The following EFCAB8 variants were observed in gnomAD, a reference collection of about 807,000 sequenced individuals.
EFCAB8 encodes EF-hand calcium-binding domain-containing protein 8.
EFCAB8 carries 100 observed loss-of-function variants against 116.3 expected under a neutral mutation model. The ratio of observed to expected loss-of-function variants is 0.86; its 90% CI spans 0.73 to 1.02. The LOEUF (loss-of-function observed/expected upper bound fraction) is 1.02, where lower values mean the gene tolerates loss of function less well. Among genes scored for constraint, EFCAB8 ranks in the 50% least tolerant of loss-of-function variants. The probability of loss-of-function intolerance (pLI) is 0.00; values close to 1 mark genes in which losing one functional copy is unlikely to be tolerated. For missense variants in EFCAB8, 1,320 were observed against 1,416.9 expected (o/e 0.93, Z 1.10); for synonymous variants, 558 against 567.9 (o/e 0.98, Z 0.25).
chr20:32,886,480 T>C (rs1168051720), intron 6 of EFCAB8, among the ~76,000 whole-genome samples: 1 of 152,216 alleles, frequency 6.6e-6, no homozygotes, highest in Non-Finnish European at 1.5e-5. Flanking sequence ...AAGGGCTTTC[T>C]GAGCCTGTGT....
intron 5 of EFCAB8, among the ~76,000 whole-genome samples, chr20:32,885,123 ACTCTGCTCACC>A (rs1461245643): frequency 1.6e-5 from 2 of 122,650 alleles, no homozygotes; most frequent in Non-Finnish European, 3.8e-5. Flanking sequence ...CTCAGGCTCC[ACTCTGCTCACC>A]CTCTCCTGGG....
At position 32,940,019 on chromosome 20, in the gene EFCAB8, CCCTCCCTTCCTTCCTT is replaced by C. The variant is rs1303878075; in HGVS notation, c.2791-3613_2791-3598del. Among the ~76,000 whole-genome samples, 7 of 77,312 alleles carry C rather than the reference CCCTCCCTTCCTTCCTT, an allele frequency of 9.1e-5. 2 individuals carry two copies. Among genetic ancestry groups the C allele is most frequent in the African/African-American group, 3.1e-4 (5 of 16,306 alleles). 50.7% of individuals were successfully genotyped at this position (77,312 alleles called of 152,430 possible). ...TGCCTGCCTGCCTCCCTCCCTCCCT[CCCTCCCTTCCTTCCTT>C]CCTTCCTTCCTTCCTTCCTTCCTTC... On this transcript the variant is annotated intron_variant, in intron 22 of 26. Coordinates refer to ENST00000400522, the MANE Select transcript of EFCAB8 (RefSeq NM_001143967.2).
At chr20:32,867,776 G>A in intron 3 of EFCAB8, 29 bp downstream of exon 3, 3 of 1,546,686 alleles carry the variant, frequency 1.9e-6, no homozygotes, top group Non-Finnish European at 2.6e-6. Context: ...CTCGGTTTTT[G>A]TGTGAGTTCT....
intron 10 of EFCAB8, among the ~76,000 whole-genome samples, chr20:32,897,568 G>A (rs150381653): frequency 1.3e-5 from 2 of 151,638 alleles, no homozygotes; most frequent in African/African-American, 2.4e-5. Flanking sequence ...TCAGGCCCCC[G>A]AGTAGCTGGG....
At chr20:32,893,116 C>A in intron 8 of EFCAB8, 58 bp from the exon 9 acceptor site, 2 of 1,545,814 alleles carry the variant, frequency 1.3e-6, no homozygotes, top group African/African-American at 1.4e-5. Flanking sequence ...GCTGGTCTTA[C>A]AGGTGTGAGC....
intron 17 of EFCAB8, among the ~76,000 whole-genome samples, chr20:32,913,225 TG>T (rs1479482792): frequency 3.9e-5 from 6 of 152,250 alleles, no homozygotes; most frequent in East Asian, 3.9e-4. Flanking sequence ...GTTCTGGAGA[TG>T]GGGGAAGTTC....
At chr20:32,950,660 C>T (rs1988770291) in intron 23 of EFCAB8, among the ~76,000 whole-genome samples, 1 of 152,126 alleles carries the variant, frequency 6.6e-6, no homozygotes, top group Non-Finnish European at 1.5e-5. Context: ...GCAGGCAAAT[C>T]CCCCGGGTTG....
At chr20:32,925,405 G>A (rs1037762818) in intron 20 of EFCAB8, among the ~76,000 whole-genome samples, 1 of 152,182 alleles carries the variant, frequency 6.6e-6, no homozygotes, top group Non-Finnish European at 1.5e-5. Flanking sequence ...TTTTAATGGA[G>A]ACAGGGTTTC....
At chr20:32,932,187 T>C (rs1987934909) in intron 22 of EFCAB8, among the ~76,000 whole-genome samples, 1 of 152,198 alleles carries the variant, frequency 6.6e-6, no homozygotes, top group Non-Finnish European at 1.5e-5. Flanking sequence ...GAGACCAGCC[T>C]GGCCAACCTG....
chr20:32,953,206 C>G (rs1317024713), intron 23 of EFCAB8, among the ~76,000 whole-genome samples: 2 of 152,104 alleles, frequency 1.3e-5, no homozygotes, highest in Non-Finnish European at 2.9e-5. Flanking sequence ...GCCACATTTT[C>G]TTTATCCATT....
At chr20:32,950,918 G>A (rs6087432) in intron 23 of EFCAB8, among the ~76,000 whole-genome samples, 11,048 of 152,196 alleles carry the variant, frequency 0.073, 407 homozygotes, top group African/African-American at 0.095. Flanking sequence ...TAAAGTGGCA[G>A]TGTTTGTCCG....
chr20:32,930,724 T>G (rs1987873336), intron 21 of EFCAB8, 108 bp downstream of exon 21: 1 of 1,091,014 alleles, frequency 9.2e-7, no homozygotes, highest in Admixed American at 2.1e-5. Flanking sequence ...TGGGTACTGG[T>G]TCCATTTGTG....
Position 32,911,533 on chromosome 20 carries a change from C to T in EFCAB8, c.1611C>T (p.Gly537=), listed in dbSNP as rs1986918344. The change falls in exon 16 of 27, where the codon GGC becomes GGT. Residue 537 remains glycine, a synonymous_variant. Coordinates refer to ENST00000400522, the MANE Select transcript of EFCAB8 (RefSeq NM_001143967.2). ...TGAGTGTGTGGGAGGTCGTGACGGGCAGGAAGACGATGGAGTTTGCTGTGT... is the reference window on the plus strand; with the variant it reads ...TGAGTGTGTGGGAGGTCGTGACGGGTAGGAAGACGATGGAGTTTGCTGTGT... ...GTVSVWEVVT[G]RKTMEFAVSG... The T allele has an allele frequency of 3.9e-6, 6 of 1,521,334 alleles. No homozygotes were observed. The highest frequency in any genetic ancestry group is 5.3e-6 in the Non-Finnish European group (6 of 1,129,094). The allele number at this position is 1,521,334 out of a possible 1,614,324, so 94.2% of individuals were successfully genotyped here.
At chr20:32,897,516 C>G (rs1251677260) in intron 10 of EFCAB8, among the ~76,000 whole-genome samples, 1 of 151,158 alleles carries the variant, frequency 6.6e-6, no homozygotes, top group Non-Finnish European at 1.5e-5. Context: ...GATCATGGCT[C>G]ACTGCAGCCT....
intron 13 of EFCAB8, among the ~76,000 whole-genome samples, chr20:32,907,701 G>C (rs962938246): frequency 6.6e-6 from 1 of 152,294 alleles, no homozygotes; most frequent in Middle Eastern, 3.4e-3. Flanking sequence ...TGGGATCATC[G>C]CCTCTGATGA....
intron 9 of EFCAB8, among the ~76,000 whole-genome samples, chr20:32,895,149 G>A (rs987887838): frequency 6.6e-6 from 1 of 152,148 alleles, no homozygotes; most frequent in Non-Finnish European, 1.5e-5. Context: ...TGTCCCTGAC[G>A]GTGCTGGCTC....
At chr20:32,893,959 G>A (rs998297718) in intron 9 of EFCAB8, among the ~76,000 whole-genome samples, 2 of 152,180 alleles carry the variant, frequency 1.3e-5, no homozygotes, top group African/African-American at 4.8e-5. Context: ...TCTGAAGTCC[G>A]GCTGCCTGCC....
In EFCAB8 at chr20:32,908,536, C is replaced by G. The variant is rs1200430433; in HGVS notation, c.1446+124C>G. 1.7e-5 allele frequency: 18 copies of G among 1,064,752 alleles called. No homozygotes were observed. In the African/African-American group the frequency reaches 2.5e-4, roughly 15 times the overall value. The allele number at this position is 1,064,752 out of a possible 1,614,324, so 66.0% of individuals were successfully genotyped here. A position where few individuals can be genotyped will look rare whatever the true frequency, so the allele number is the denominator to read the frequency against. On this transcript the variant is annotated intron_variant, in intron 14 of 26. Coordinates refer to ENST00000400522, the MANE Select transcript of EFCAB8 (RefSeq NM_001143967.2). The stretch of plus-strand genomic sequence containing the variant: ...TCCTGGGACTGCTGAAGCGGCTAGA[C>G]TCTGTGGCCTGGCCTGTGAGGGGCC...
intron 2 of EFCAB8, among the ~76,000 whole-genome samples, chr20:32,864,890 A>G (rs1451904297): frequency 6.6e-6 from 1 of 152,228 alleles, no homozygotes; most frequent in African/African-American, 2.4e-5. Context: ...GTGTAATTAC[A>G]GTTTACTGGG....
Sources: allele counts gnomAD v4.1 joint callset (sites outside exome capture counted in the v4.1 genomes callset), GRCh38; gene constraint gnomAD v4.1.1; transcripts MANE v1.5; gene names NCBI Gene and HGNC (gene_info 2026-07-23, HGNC 2026-07-21).